Variants in SRGAP2C observed in about 807,000 individuals in gnomAD.
SRGAP2C encodes the protein SLIT-ROBO Rho GTPase-activating protein 2C.
Under a neutral mutation model 25.1 loss-of-function variants are expected in SRGAP2C, and 15 were observed. The ratio of observed to expected loss-of-function variants is 0.60; its 90% CI spans 0.40 to 0.92. The LOEUF (loss-of-function observed/expected upper bound fraction) is 0.92, where lower values mean the gene tolerates loss of function less well. SRGAP2C is among the 40% of genes least tolerant of loss of function. The pLI is 0.00. For missense variants in SRGAP2C, 144 were observed against 264.4 expected, an observed-to-expected ratio of 0.54 and a Z score of 3.16; for synonymous variants, 44 against 96.6, an observed-to-expected ratio of 0.46 and a Z score of 3.19.
chr1:121,190,903 TC>T (rs1306989209), intron 2 of SRGAP2C, among the ~76,000 whole-genome samples: 2 of 147,058 alleles, frequency 1.4e-5, no homozygotes, highest in African/African-American at 2.5e-5. Flanking sequence ...GATTTTTGCC[TC>T]CCTATAAACC....
At chr1:121,353,039 G>A (rs1553346542) in intron 4 of SRGAP2C, among the ~76,000 whole-genome samples, 3 of 150,446 alleles carry the variant, frequency 2.0e-5, no homozygotes, top group African/African-American at 4.9e-5. Context: ...GCAGTGAAAC[G>A]AGATCAAGCC....
chr1:121,363,891 A>C (rs1303462058), intron 4 of SRGAP2C, among the ~76,000 whole-genome samples: 1 of 151,724 alleles, frequency 6.6e-6, no homozygotes, highest in African/African-American at 2.4e-5. Flanking sequence ...AGTGGTAGGA[A>C]TTTAAGAGTT....
Position 121,310,806 on chromosome 1 carries a change from T to G in SRGAP2C, c.261-13672T>G, listed in dbSNP as rs1208607794. 2.3e-5 allele frequency among the ~76,000 whole-genome samples: 2 copies of G among 86,684 alleles called. 1 individual carries two copies. Among genetic ancestry groups the G allele is most frequent in the Non-Finnish European group, 5.0e-5 (2 of 39,644 alleles). The allele number at this position is 86,684 out of a possible 152,430, so 56.9% of individuals were successfully genotyped here. On this transcript the variant is annotated intron_variant, in intron 3 of 9. Transcript: ENST00000367123. ...TATATCTCTTTTGGTACCAGTACCA[T>G]GCTGTTTTGCTTACTGTAGCCTTGT...
intron 4 of SRGAP2C, among the ~76,000 whole-genome samples, chr1:121,364,541 C>G (rs1219396464): frequency 3.7e-5 from 2 of 53,910 alleles, no homozygotes; most frequent in Admixed American, 4.7e-4. Context: ...GTCTCGAATT[C>G]CTGACCTCAG....
At chr1:121,263,319 G>T (rs1488988875) in intron 2 of SRGAP2C, among the ~76,000 whole-genome samples, 4 of 150,092 alleles carry the variant, frequency 2.7e-5, no homozygotes. Context: ...GCAAGACTCT[G>T]TCTCAAAAAA....
intron 6 of SRGAP2C, among the ~76,000 whole-genome samples, 168 bp downstream of exon 6, chr1:121,374,354 A>T (rs1553352403): frequency 6.6e-6 from 1 of 151,334 alleles, no homozygotes; most frequent in Non-Finnish European, 1.5e-5. Flanking sequence ...CAGGAATACT[A>T]GGTATTGGAA....
intron 3 of SRGAP2C, among the ~76,000 whole-genome samples, chr1:121,304,933 A>T (rs1269668707): frequency 0.61 from 92,050 of 151,220 alleles, 28,200 homozygotes; most frequent in East Asian, 0.8. Context: ...TTTTCTCTTG[A>T]CTAAAAAAGA....
intron 8 of SRGAP2C, among the ~76,000 whole-genome samples, chr1:121,384,937 ATATAGCTGATCAG>A (rs1424756016): frequency 6.6e-6 from 1 of 152,106 alleles, no homozygotes; most frequent in African/African-American, 2.4e-5. Context: ...CCTTTATGTA[ATATAGCTGATCAG>A]TGGCTGAGCC....
At chr1:121,372,168 T>C (rs1369985817) in intron 5 of SRGAP2C, among the ~76,000 whole-genome samples, 1 of 151,582 alleles carries the variant, frequency 6.6e-6, no homozygotes, top group Non-Finnish European at 1.5e-5. Flanking sequence ...GAGACATAAT[T>C]TAGACTCTAA....
intron 4 of SRGAP2C, among the ~76,000 whole-genome samples, chr1:121,353,128 G>GTT (rs1271521336): frequency 3.4e-5 from 5 of 147,284 alleles, no homozygotes; most frequent in Non-Finnish European, 7.5e-5. Flanking sequence ...AGATCTAAGT[G>GTT]AATAATCACT....
At chr1:121,374,502 G>A (rs1394015406) in intron 6 of SRGAP2C, among the ~76,000 whole-genome samples, 3 of 152,110 alleles carry the variant, frequency 2.0e-5, no homozygotes, top group Admixed American at 6.5e-5. Flanking sequence ...GTAAACCTAG[G>A]ATTTGGTTTC....
At position 121,212,398 on chromosome 1, in the gene SRGAP2C, G is replaced by A. The variant is rs183067043; in HGVS notation, c.67+24885G>A. On this transcript the variant is annotated intron_variant, in intron 2 of 9. Transcript: ENST00000367123. ...GCTTGCCTCGGCCTCTCAGAGTGCT[G>A]GGATTACAGGGGTGAGCCACCATAC... is the stretch of plus-strand genomic sequence containing the variant. Among the ~76,000 whole-genome samples, 20 of 152,220 alleles carry A rather than the reference G, an allele frequency of 1.3e-4. No individual in the cohort carries two copies. The East Asian group carries it at 3.3e-3, about 25-fold the overall frequency.
chr1:121,335,664 G>A (rs1658500196), intron 4 of SRGAP2C, among the ~76,000 whole-genome samples: 1 of 150,746 alleles, frequency 6.6e-6, no homozygotes, highest in African/African-American at 2.4e-5. Context: ...TGGTTCCCAG[G>A]CTAGGCTTGA....
intron 2 of SRGAP2C, among the ~76,000 whole-genome samples, chr1:121,260,269 C>A: frequency 6.6e-6 from 1 of 151,570 alleles, no homozygotes; most frequent in East Asian, 1.9e-4. Context: ...GTGTAAGCCA[C>A]GTGGATATTG....
intron 4 of SRGAP2C, among the ~76,000 whole-genome samples, chr1:121,337,634 A>AAAT (rs1658546411): frequency 2.6e-4 from 37 of 143,316 alleles, no homozygotes; most frequent in African/African-American, 3.6e-4. Flanking sequence ...TCCGACTCAA[A>AAAT]AAATAAATAA....
chr1:121,285,530 T>C (rs1657343249), intron 3 of SRGAP2C, among the ~76,000 whole-genome samples: 1 of 145,664 alleles, frequency 6.9e-6, no homozygotes, highest in Non-Finnish European at 1.5e-5. Context: ...AAATAAATGA[T>C]GTTGAGGCCA....
intron 5 of SRGAP2C, among the ~76,000 whole-genome samples, chr1:121,367,745 T>TTC (rs1553349833): frequency 1.5e-5 from 2 of 132,540 alleles, no homozygotes; most frequent in African/African-American, 5.9e-5. Context: ...AATATTAGGC[T>TTC]ATAGCTAAGG....
chr1:121,314,348 C>G (rs1658043973), intron 3 of SRGAP2C, among the ~76,000 whole-genome samples: 2 of 151,410 alleles, frequency 1.3e-5, no homozygotes, highest in Admixed American at 6.6e-5. Context: ...TCAAAGTTTT[C>G]AACTTCTTTG....
At chr1:121,314,738 G>A (rs1252243941) in intron 3 of SRGAP2C, among the ~76,000 whole-genome samples, 12 of 151,632 alleles carry the variant, frequency 7.9e-5, no homozygotes, top group East Asian at 2.0e-4. Context: ...TAGGCTGCTC[G>A]GGGGTCAGGG....
Sources: gnomAD v4.1 joint callset for allele counts (sites outside exome capture counted in the v4.1 genomes callset) on GRCh38, gnomAD v4.1.1 for gene constraint, MANE v1.5 for transcripts, NCBI Gene and HGNC (gene_info 2026-07-23, HGNC 2026-07-21) for gene names.